Variants in RGS6 observed in about 807,000 individuals in gnomAD.
The protein encoded by RGS6 is regulator of G-protein signaling 6.
Under a neutral mutation model 78.5 loss-of-function variants are expected in RGS6, and 30 were observed. The observed-to-expected ratio is 0.38, with a 90% CI of 0.29 to 0.52. The LOEUF (loss-of-function observed/expected upper bound fraction) is 0.52. Among genes scored for constraint, RGS6 ranks in the 20% least tolerant of loss-of-function variants. The probability of loss-of-function intolerance (pLI) is 0.85; values close to 1 mark genes in which losing one functional copy is unlikely to be tolerated. For synonymous variants in RGS6, 206 were observed against 206.0 expected (o/e 1.00, Z 0.00); for missense variants, 495 against 609.7 (o/e 0.81, Z 1.98).
At chr14:72,527,029 T>G (rs920348430) in intron 15 of RGS6, among the ~76,000 whole-genome samples, 3 of 152,224 alleles carry the variant, frequency 2.0e-5, no homozygotes, top group Non-Finnish European at 4.4e-5. Flanking sequence ...CCATCAGCCC[T>G]CAACGCTTTA....
rs149530860 is a variant in RGS6 at position 72,532,383 on chromosome 14, T to C, written c.1279-3803T>C. 8.7e-3 allele frequency among the ~76,000 whole-genome samples: 1,328 copies of C among 152,326 alleles called. 17 individuals are homozygous for C. Among genetic ancestry groups the C allele is most frequent in the African/African-American group, 0.03 (1,240 of 41,576 alleles). ...ACCAAATCAGCCATTCCCCCATCTC[T>C]TTCCCTCTCCTTGGGCCTCTCTACT... On this transcript the variant is annotated intron_variant, in intron 15 of 17. Transcript: ENST00000553525.
intron 17 of RGS6, among the ~76,000 whole-genome samples, chr14:72,558,965 G>A (rs772855646): frequency 2.0e-5 from 3 of 152,104 alleles, no homozygotes; most frequent in African/African-American, 4.8e-5. Flanking sequence ...AGCTGGCTGC[G>A]GTTTCCTGGC....
intron 12 of RGS6, among the ~76,000 whole-genome samples, chr14:72,485,409 A>T (rs2096468825): frequency 6.6e-6 from 1 of 151,914 alleles, no homozygotes; most frequent in African/African-American, 2.4e-5. Context: ...ATTGGTATTG[A>T]CTTTGGACTG....
chr14:72,280,988 C>A (rs2061472925), intron 2 of RGS6, among the ~76,000 whole-genome samples: 1 of 152,092 alleles, frequency 6.6e-6, no homozygotes, highest in South Asian at 2.1e-4. Flanking sequence ...CCTATGTAGG[C>A]AGATGTTTAG....
intron 2 of RGS6, among the ~76,000 whole-genome samples, chr14:72,143,811 T>C (rs1400298385): frequency 3.3e-5 from 5 of 152,228 alleles, no homozygotes; most frequent in African/African-American, 1.2e-4. Flanking sequence ...ATAAATTTTC[T>C]CTCAGCAATG....
chr14:72,480,425 C>T (rs1042993496), intron 12 of RGS6, among the ~76,000 whole-genome samples: 2 of 152,152 alleles, frequency 1.3e-5, no homozygotes, highest in Admixed American at 6.5e-5. Flanking sequence ...CCTAATTATG[C>T]TTGAGAGGCT....
chr14:72,334,603 A>T (rs183915918), intron 2 of RGS6, among the ~76,000 whole-genome samples: 1 of 152,292 alleles, frequency 6.6e-6, no homozygotes, highest in East Asian at 1.9e-4. Flanking sequence ...CGCCTGAAAC[A>T]CTTTTTTGCA....
At chr14:72,039,246 G>A (rs2092110012) in intron 2 of RGS6, among the ~76,000 whole-genome samples, 2 of 152,198 alleles carry the variant, frequency 1.3e-5, no homozygotes, top group African/African-American at 4.8e-5. Context: ...CAGGGTAGGT[G>A]AAGAGATAAT....
chr14:72,121,030 A>G (rs943565435), intron 2 of RGS6, among the ~76,000 whole-genome samples: 1 of 152,190 alleles, frequency 6.6e-6, no homozygotes, highest in African/African-American at 2.4e-5. Context: ...GAGAAAGACT[A>G]GCAGCTAGAA....
At chr14:72,479,280 ATACCC>A (rs1428075986) in intron 12 of RGS6, among the ~76,000 whole-genome samples, 2 of 152,348 alleles carry the variant, frequency 1.3e-5, no homozygotes, top group East Asian at 3.9e-4. Flanking sequence ...GTCTGATTGA[ATACCC>A]TACCTTCAGG....
intron 2 of RGS6, among the ~76,000 whole-genome samples, chr14:72,314,760 A>C (rs964052955): frequency 3.3e-5 from 5 of 152,226 alleles, no homozygotes; most frequent in African/African-American, 1.2e-4. Flanking sequence ...ACTCCAAGTT[A>C]TGGAAATTTA....
chr14:72,312,321 G>T (rs2283394), intron 2 of RGS6, among the ~76,000 whole-genome samples: 18,724 of 149,380 alleles, frequency 0.13, 1,794 homozygotes, highest in East Asian at 0.31. Context: ...AACTCCAGAA[G>T]AAATTCTCAT....
chr14:71,914,904 T>C, the RGS6 span, among the ~76,000 whole-genome samples: 10 of 151,550 alleles, frequency 6.6e-5, no homozygotes, highest in African/African-American at 2.4e-4. Flanking sequence ...TGATACAGAG[T>C]GACATAAGAA....
intron 17 of RGS6, among the ~76,000 whole-genome samples, chr14:72,561,058 A>C (rs2097669303): frequency 6.6e-6 from 1 of 152,156 alleles, no homozygotes; most frequent in African/African-American, 2.4e-5. Flanking sequence ...CAGATGCCAC[A>C]TTGTCCTGTA....
At chr14:72,123,394 C>T (rs1050405449) in intron 2 of RGS6, among the ~76,000 whole-genome samples, 2 of 152,186 alleles carry the variant, frequency 1.3e-5, no homozygotes, top group African/African-American at 4.8e-5. Context: ...AATCAAGAAG[C>T]ACAGTTTTGT....
At chr14:72,115,349 G>A (rs937399212) in intron 2 of RGS6, among the ~76,000 whole-genome samples, 1 of 152,172 alleles carries the variant, frequency 6.6e-6, no homozygotes, top group African/African-American at 2.4e-5. Flanking sequence ...AGTTGGGAAG[G>A]GAAAATGGAC....
chr14:71,918,258 C>G, the RGS6 span, among the ~76,000 whole-genome samples: 3 of 139,112 alleles, frequency 2.2e-5, no homozygotes, highest in Admixed American at 1.5e-4. Flanking sequence ...GAGGAACTCT[C>G]GAACTGTATG....
intron 2 of RGS6, among the ~76,000 whole-genome samples, chr14:72,045,079 G>A (rs2092726812): frequency 6.6e-6 from 1 of 152,180 alleles, no homozygotes; most frequent in Non-Finnish European, 1.5e-5. Flanking sequence ...CCAGCTTGCA[G>A]ATGGCGTACT....
intron 1 of RGS6, among the ~76,000 whole-genome samples, chr14:71,954,422 A>G (rs1270029025): frequency 6.6e-6 from 1 of 151,346 alleles, no homozygotes; most frequent in Non-Finnish European, 1.5e-5. Flanking sequence ...AAGCTCATGG[A>G]GTCTTAAAAA....
Sources: allele counts gnomAD v4.1 joint callset (sites outside exome capture counted in the v4.1 genomes callset), GRCh38; gene constraint gnomAD v4.1.1; transcripts MANE v1.5; gene names NCBI Gene and HGNC (gene_info 2026-07-23, HGNC 2026-07-21).